The following ARHGEF10L variants were observed in gnomAD, a reference collection of about 807,000 sequenced individuals.
ARHGEF10L encodes rho guanine nucleotide exchange factor 10-like protein.
Under a neutral mutation model 141.2 loss-of-function variants are expected in ARHGEF10L, and 69 were observed. The ratio of observed to expected loss-of-function variants is 0.49; its 90% CI spans 0.40 to 0.60. The LOEUF (loss-of-function observed/expected upper bound fraction) is 0.60. Among genes scored for constraint, ARHGEF10L ranks in the 20% least tolerant of loss-of-function variants. The probability of loss-of-function intolerance (pLI) is 0.00; values close to 1 mark genes in which losing one functional copy is unlikely to be tolerated. For synonymous variants in ARHGEF10L, 711 were observed against 718.5 expected, an observed-to-expected ratio of 0.99 and a Z score of 0.17; for missense variants, 1,482 against 1,734.3, an observed-to-expected ratio of 0.85 and a Z score of 2.58.
Position 17,625,914 on chromosome 1 carries a change from T to C in ARHGEF10L, c.1318-42T>C, listed in dbSNP as rs764050636. 15 of 1,585,670 alleles carry C rather than the reference T, an allele frequency of 9.5e-6. No individual in the cohort carries two copies. In the Admixed American group the frequency reaches 2.5e-4, roughly 27 times the overall value. Reference sequence around the variant, plus strand: ...CTGGACTCTGGGGCACTGGGCCCTCTCTGCAGGGGGTCAGCGAATGACGGA... The same window carrying C: ...CTGGACTCTGGGGCACTGGGCCCTCCCTGCAGGGGGTCAGCGAATGACGGA... On this transcript the variant is annotated intron_variant, in intron 13 of 28. Coordinates refer to ENST00000361221, the MANE Select transcript of ARHGEF10L (RefSeq NM_018125.4). The surrounding 1 kb of genome is among the most constrained non-coding windows in gnomAD (Gnocchi z 4.5).
chr1:17,537,165 A>G (rs1314069511), upstream of ARHGEF10L, among the ~76,000 whole-genome samples: 1 of 152,034 alleles, frequency 6.6e-6, no homozygotes, highest in Non-Finnish European at 1.5e-5. Context: ...AAGTGCTGGG[A>G]TTACAGGCAT....
the ARHGEF10L span, among the ~76,000 whole-genome samples, chr1:17,531,940 G>C: frequency 1.3e-5 from 2 of 152,174 alleles, no homozygotes; most frequent in South Asian, 4.1e-4. Flanking sequence ...CTGGTGCCAG[G>C]CTGCAGCCAT....
chr1:17,600,999 G>A (rs1239553259), intron 4 of ARHGEF10L, among the ~76,000 whole-genome samples: 2 of 145,916 alleles, frequency 1.4e-5, no homozygotes, highest in South Asian at 2.2e-4. Context: ...GCAGTGAGCC[G>A]AGATCGCACC....
At chr1:17,588,899 T>TGTGTGTGTGTGTGTGTGG (rs1557758147) in intron 4 of ARHGEF10L, among the ~76,000 whole-genome samples, 3 of 30,046 alleles carry the variant, frequency 1.0e-4, no homozygotes, top group African/African-American at 1.3e-4. Context: ...TGTGTGTGTG[T>TGTGTGTGTGTGTGTGTGG]AGTGGGGGAG....
At position 17,656,813 on chromosome 1, in the gene ARHGEF10L, G is replaced by C; in HGVS notation, c.2860+105G>C. 1.4e-6 allele frequency: 2 copies of C among 1,394,676 alleles called. No individual in the cohort carries two copies. Among genetic ancestry groups the C allele is most frequent in the Admixed American group, 4.4e-5 (2 of 45,330 alleles). 86.4% of individuals were successfully genotyped at this position (1,394,676 alleles called of 1,614,324 possible). On this transcript the variant is annotated intron_variant, in intron 25 of 28. Transcript: ENST00000361221. This position sits in a 1 kb window ranked among gnomAD's most constrained non-coding sequence, Gnocchi z 4.9. Reference sequence around the variant, plus strand: ...CAGGAGGCTGGGCAGGAATGAATTGGGAAATCTCAGTGCTGAGGGCATTTG... The same window carrying C: ...CAGGAGGCTGGGCAGGAATGAATTGCGAAATCTCAGTGCTGAGGGCATTTG...
At chr1:17,674,811 C>T (rs2063543231) in intron 26 of ARHGEF10L, among the ~76,000 whole-genome samples, 1 of 152,172 alleles carries the variant, frequency 6.6e-6, no homozygotes, top group Non-Finnish European at 1.5e-5. Flanking sequence ...CATTGTGTTA[C>T]AGTCGCCTGC....
chr1:17,543,936 C>T (rs2076824623), intron 1 of ARHGEF10L, among the ~76,000 whole-genome samples: 1 of 151,326 alleles, frequency 6.6e-6, no homozygotes, highest in Non-Finnish European at 1.5e-5. Flanking sequence ...GCATGAGCCA[C>T]CGCGCCTGGC....
Position 17,547,288 on chromosome 1 carries a change from A to G in ARHGEF10L, c.-44+7338A>G, listed in dbSNP as rs2100674265. Among the ~76,000 whole-genome samples, 3 of 152,346 alleles carry G rather than the reference A, an allele frequency of 2.0e-5. No homozygotes were observed. In the South Asian group the frequency reaches 6.2e-4, roughly 32 times the overall value. ...CCCAACACCACCTTCTTGCAGATACATCCCCAGTCCAGGGCAGTGCAGGTG... is the reference window on the plus strand; with the variant it reads ...CCCAACACCACCTTCTTGCAGATACGTCCCCAGTCCAGGGCAGTGCAGGTG... On this transcript the variant is annotated intron_variant, in intron 1 of 28. Coordinates refer to ENST00000361221, the MANE Select transcript of ARHGEF10L (RefSeq NM_018125.4).
intron 26 of ARHGEF10L, among the ~76,000 whole-genome samples, chr1:17,665,504 C>A (rs555345790): frequency 6.6e-6 from 1 of 152,090 alleles, no homozygotes; most frequent in Non-Finnish European, 1.5e-5. Context: ...GGATGTGGTC[C>A]GCCCCTTTCC....
rs569557514 is a variant in ARHGEF10L, at chr1:17,674,614, G to A, written c.3009+10019G>A. ...TTTAGCGGGAGGGCCCCTGAGAAGC[G>A]TGAGCTGATGCCTGTGCATGCCTGT... is the stretch of plus-strand genomic sequence containing the variant. On this transcript the variant is annotated intron_variant, in intron 26 of 28. Transcript: ENST00000361221. Among the ~76,000 whole-genome samples the A allele has an allele frequency of 6.2e-4, 95 of 152,338 alleles. 1 individual carries two copies. Among genetic ancestry groups the A allele is most frequent in the Middle Eastern group, 6.8e-3 (2 of 294 alleles).
Position 17,635,003 on chromosome 1 carries a change from A to T in ARHGEF10L, c.1914A>T (p.Ser638=). The stretch of plus-strand genomic sequence containing the variant: ...CAGGCGCCAAGAAGGCCTCTGCCTC[A>T]GGGCAGGCTCAGAGTGAGTACCCCC... ...QHSGAKKASA[S]GQAQNKVYLG... The change falls in exon 18 of 29, where the codon TCA becomes TCT. Residue 638 remains serine, a synonymous_variant. Transcript: ENST00000361221. 6.2e-7 allele frequency: 1 copy of T among 1,614,052 alleles called. No individual in the cohort carries two copies. Among genetic ancestry groups the T allele is most frequent in the Non-Finnish European group, 8.5e-7 (1 of 1,179,944 alleles).
intron 1 of ARHGEF10L, among the ~76,000 whole-genome samples, chr1:17,572,590 T>C (rs896169403): frequency 6.6e-5 from 10 of 152,304 alleles, no homozygotes; most frequent in African/African-American, 2.4e-4. Context: ...CCTGATCCCC[T>C]AGCCCCTGCC....
chr1:17,616,737 T>TG (rs2059829053), intron 9 of ARHGEF10L, among the ~76,000 whole-genome samples: 1 of 152,078 alleles, frequency 6.6e-6, no homozygotes, highest in African/African-American at 2.4e-5. Context: ...TGGGGTGCCC[T>TG]GGGGGGCATG....
chr1:17,582,575 T>G (rs2078668395), intron 2 of ARHGEF10L, among the ~76,000 whole-genome samples: 1 of 152,230 alleles, frequency 6.6e-6, no homozygotes, highest in South Asian at 2.1e-4. Flanking sequence ...CACTTGGTGT[T>G]TGTTCTCTGT....
intron 26 of ARHGEF10L, among the ~76,000 whole-genome samples, chr1:17,679,106 G>T (rs1004001800): frequency 1.3e-5 from 2 of 152,190 alleles, no homozygotes; most frequent in African/African-American, 4.8e-5. Context: ...TCCCATGATG[G>T]CCCTGAGCTA....
At chr1:17,527,227 C>A in the ARHGEF10L span, among the ~76,000 whole-genome samples, 1 of 152,228 alleles carries the variant, frequency 6.6e-6, no homozygotes, top group Non-Finnish European at 1.5e-5. Context: ...GGGCAACCTG[C>A]TTCACATTGA....
intron 2 of ARHGEF10L, 25 bp downstream of exon 2, chr1:17,580,657 C>A: frequency 6.2e-7 from 1 of 1,614,104 alleles, no homozygotes; most frequent in Non-Finnish European, 8.5e-7. Context: ...GCTTCCTGTC[C>A]CTCTCATCCT....
chr1:17,640,089 A>G, intron 20 of ARHGEF10L, 113 bp from the exon 21 acceptor site: 1 of 1,499,978 alleles, frequency 6.7e-7, no homozygotes, highest in Non-Finnish European at 8.9e-7. Flanking sequence ...TGCTCTGACC[A>G]GACCTCCTTG....
At chr1:17,541,241 C>T (rs2076717088) in intron 1 of ARHGEF10L, among the ~76,000 whole-genome samples, 1 of 152,182 alleles carries the variant, frequency 6.6e-6, no homozygotes, top group South Asian at 2.1e-4. Context: ...TCATTTCTCA[C>T]TCGGGAGCTA....
Sources: gnomAD v4.1 joint callset for allele counts (sites outside exome capture counted in the v4.1 genomes callset) on GRCh38, gnomAD v4.1.1 for gene constraint, Gnocchi (gnomAD v3.1) non-coding constraint, MANE v1.5 for transcripts, NCBI Gene and HGNC (gene_info 2026-07-23, HGNC 2026-07-21) for gene names.